Variants in NKAIN2 observed in about 807,000 individuals in gnomAD.
NKAIN2 encodes sodium/potassium-transporting ATPase subunit beta-1-interacting protein 2.
Under a neutral mutation model 32.6 loss-of-function variants are expected in NKAIN2, and 14 were observed. The observed-to-expected ratio is 0.43, with a 90% CI of 0.28 to 0.67. The LOEUF (loss-of-function observed/expected upper bound fraction) is 0.67. Ranked by LOEUF, NKAIN2 falls within the 30% of genes least tolerant of loss-of-function variation. The pLI is 0.17. For synonymous variants in NKAIN2, 80 were observed against 87.2 expected (o/e 0.92, Z 0.46); for missense variants, 198 against 258.3 (o/e 0.77, Z 1.60).
At chr6:124,220,534 T>C (rs185629701) in intron 1 of NKAIN2, among the ~76,000 whole-genome samples, 12,247 of 79,200 alleles carry the variant, frequency 0.15, 584 homozygotes, top group Non-Finnish European at 0.21. Flanking sequence ...TAAACATACA[T>C]ATGTATATAT....
At chr6:124,518,822 A>G (rs1328450771) in intron 3 of NKAIN2, among the ~76,000 whole-genome samples, 4 of 152,218 alleles carry the variant, frequency 2.6e-5, no homozygotes, top group Admixed American at 6.5e-5. Context: ...CATGAGCAAG[A>G]GGAACAAATT....
chr6:124,045,338 A>T (rs1182785833), intron 1 of NKAIN2, among the ~76,000 whole-genome samples: 1 of 151,958 alleles, frequency 6.6e-6, no homozygotes, highest in Non-Finnish European at 1.5e-5. Context: ...TACTGGTTGA[A>T]TGGATTAGGG....
chr6:124,728,700 C>G (rs1240244044), intron 4 of NKAIN2, among the ~76,000 whole-genome samples: 3 of 143,666 alleles, frequency 2.1e-5, no homozygotes, highest in Admixed American at 7.1e-5. Context: ...CAAGAAATAA[C>G]TAAAATCAGA....
At chr6:124,708,682 T>C (rs1775246367) in intron 4 of NKAIN2, among the ~76,000 whole-genome samples, 1 of 152,108 alleles carries the variant, frequency 6.6e-6, no homozygotes, top group Non-Finnish European at 1.5e-5. Flanking sequence ...TTTTGTACAT[T>C]GATTTTGTAT....
At chr6:124,661,698 C>T (rs993168581) in intron 4 of NKAIN2, among the ~76,000 whole-genome samples, 1 of 152,160 alleles carries the variant, frequency 6.6e-6, no homozygotes, top group African/African-American at 2.4e-5. Flanking sequence ...CTTTCTCCTT[C>T]TCCAGCCATA....
intron 1 of NKAIN2, among the ~76,000 whole-genome samples, chr6:124,082,306 G>C (rs1363238684): frequency 6.6e-6 from 1 of 152,022 alleles, no homozygotes; most frequent in African/African-American, 2.4e-5. Context: ...TTATCCAATT[G>C]CTTAATGCTA....
At chr6:124,235,006 G>T (rs1484911653) in intron 1 of NKAIN2, among the ~76,000 whole-genome samples, 1 of 152,102 alleles carries the variant, frequency 6.6e-6, no homozygotes, top group Non-Finnish European at 1.5e-5. Flanking sequence ...GTGACAGGTG[G>T]CAGAGAAAGC....
chr6:124,460,594 C>T (rs1439597956), intron 3 of NKAIN2, among the ~76,000 whole-genome samples: 2 of 151,714 alleles, frequency 1.3e-5, no homozygotes, highest in Admixed American at 1.3e-4. Context: ...GATAAACCTG[C>T]TGTCAATCTG....
At chr6:124,318,824 C>A (rs1797062910) in intron 2 of NKAIN2, among the ~76,000 whole-genome samples, 2 of 152,156 alleles carry the variant, frequency 1.3e-5, no homozygotes, top group East Asian at 1.9e-4. Context: ...AAAGGCCAAC[C>A]ATTGCCTCTC....
At chr6:124,598,000 TCAAA>T (rs1290348258) in intron 3 of NKAIN2, among the ~76,000 whole-genome samples, 34 of 152,288 alleles carry the variant, frequency 2.2e-4, no homozygotes, top group African/African-American at 5.1e-4. Context: ...TTTAAACCTG[TCAAA>T]CAGTCATTAG....
rs1562406200 is a variant in NKAIN2, at chr6:124,824,791, T to C, written c.*1562T>C. ...TTTGATTTCTATGAAGTTTCAGTTA[T>C]TGGATTAAACTACTTTAGACCTTAG... is the stretch of plus-strand genomic sequence containing the variant. On this transcript the variant is annotated 3_prime_UTR_variant, in exon 7 of 7. Transcript: ENST00000368417. 6.6e-6 allele frequency: 1 copy of C among 152,222 alleles called. No homozygotes were observed. The highest frequency in any genetic ancestry group is 1.5e-5 in the Non-Finnish European group (1 of 68,020). 9.4% of individuals were successfully genotyped at this position (152,222 alleles called of 1,614,324 possible).
intron 3 of NKAIN2, among the ~76,000 whole-genome samples, chr6:124,609,818 C>T (rs1038375494): frequency 2.6e-5 from 4 of 152,050 alleles, no homozygotes; most frequent in Non-Finnish European, 4.4e-5. Flanking sequence ...TAGAGAGCTA[C>T]GACGCCGGGG....
At chr6:123,981,862 G>A (rs1778913809) in intron 1 of NKAIN2, among the ~76,000 whole-genome samples, 1 of 152,108 alleles carries the variant, frequency 6.6e-6, no homozygotes, top group Admixed American at 6.5e-5. Flanking sequence ...AAGCTGGAGA[G>A]GGGAGGTTGA....
At chr6:124,235,277 A>G (rs1029746494) in intron 1 of NKAIN2, among the ~76,000 whole-genome samples, 2 of 152,186 alleles carry the variant, frequency 1.3e-5, no homozygotes, top group Admixed American at 6.5e-5. Context: ...TCTATGGAAA[A>G]CATCTTACCT....
chr6:124,568,163 A>G (rs1301201328), intron 3 of NKAIN2, among the ~76,000 whole-genome samples: 2 of 152,232 alleles, frequency 1.3e-5, no homozygotes, highest in Admixed American at 6.5e-5. Context: ...GCCTCAGTGG[A>G]GAGGTTCACT....
chr6:124,468,260 T>C lies in NKAIN2; in HGVS notation c.273+112913T>C, dbSNP rs184722640. On this transcript the variant is annotated intron_variant, in intron 3 of 6. Transcript: ENST00000368417. Reference sequence around the variant, plus strand: ...AAGTTAGACCAGGGTGATACACTTATATTGGAGGCAATCTCATAGCCCAGG... The same window carrying C: ...AAGTTAGACCAGGGTGATACACTTACATTGGAGGCAATCTCATAGCCCAGG... Among the ~76,000 whole-genome samples, 663 of 152,292 alleles carry C rather than the reference T, an allele frequency of 4.4e-3. 9 individuals carry two copies. Among genetic ancestry groups the C allele is most frequent in the African/African-American group, 0.015 (638 of 41,572 alleles).
chr6:124,104,846 A>G (rs111232886), intron 1 of NKAIN2, among the ~76,000 whole-genome samples: 49 of 152,326 alleles, frequency 3.2e-4, no homozygotes, highest in African/African-American at 1.1e-3. Flanking sequence ...AGGATATCCC[A>G]CTGGTCCAAT....
At chr6:124,146,001 G>T (rs1291020050) in intron 1 of NKAIN2, among the ~76,000 whole-genome samples, 1 of 152,138 alleles carries the variant, frequency 6.6e-6, no homozygotes. Flanking sequence ...ACACATAAAT[G>T]AATTCAAGTA....
intron 3 of NKAIN2, among the ~76,000 whole-genome samples, chr6:124,533,575 C>T (rs989834275): frequency 1.3e-5 from 2 of 151,112 alleles, no homozygotes; most frequent in Non-Finnish European, 2.9e-5. Flanking sequence ...GTCTATATGA[C>T]ACATAAATAT....
Sources: gnomAD v4.1 joint callset for allele counts (sites outside exome capture counted in the v4.1 genomes callset) on GRCh38, gnomAD v4.1.1 for gene constraint, MANE v1.5 for transcripts, NCBI Gene and HGNC (gene_info 2026-07-23, HGNC 2026-07-21) for gene names.